The following ELOVL4 variants were observed in gnomAD, a reference collection of about 807,000 sequenced individuals.
ELOVL4 encodes very long chain fatty acid elongase 4.
In ELOVL4, 18 loss-of-function variants were observed where a neutral mutation model predicts 42.1. That is an observed-to-expected ratio of 0.43 (90% CI 0.30 to 0.63). The LOEUF (loss-of-function observed/expected upper bound fraction) is 0.63, where lower values mean the gene tolerates loss of function less well. Ranked by LOEUF, ELOVL4 falls within the 30% of genes least tolerant of loss-of-function variation. The pLI is 0.15. For missense variants in ELOVL4, 299 were observed against 376.2 expected (o/e 0.79, Z 1.70); for synonymous variants, 117 against 127.0 (o/e 0.92, Z 0.53).
At chr6:79,927,144 A>T (rs1005150411) in intron 1 of ELOVL4, among the ~76,000 whole-genome samples, 1 of 152,130 alleles carries the variant, frequency 6.6e-6, no homozygotes, top group Non-Finnish European at 1.5e-5. Flanking sequence ...CACAACCATA[A>T]ATCAATTTTA....
chr6:79,926,158 C>T (rs746096685), intron 2 of ELOVL4, 36 bp downstream of exon 2: 57 of 1,562,630 alleles, frequency 3.6e-5, no homozygotes, highest in Admixed American at 1.7e-5. Context: ...TTTCCAATAA[C>T]CTTGGAAAAT....
intron 4 of ELOVL4, among the ~76,000 whole-genome samples, chr6:79,920,868 T>TTA (rs1419515980): frequency 1.3e-5 from 2 of 152,158 alleles, no homozygotes; most frequent in Non-Finnish European, 2.9e-5. Context: ...TTTCCACCTG[T>TTA]GGTATCATGC....
At chr6:79,943,906 AT>A (rs1774690866) in intron 1 of ELOVL4, among the ~76,000 whole-genome samples, 1 of 151,972 alleles carries the variant, frequency 6.6e-6, no homozygotes, top group Admixed American at 6.6e-5. Context: ...CAAGTAGACA[AT>A]TTTTTTCACC....
intron 1 of ELOVL4, among the ~76,000 whole-genome samples, chr6:79,936,623 C>T (rs35490568): frequency 0.023 from 3,471 of 152,278 alleles, 41 homozygotes; most frequent in Middle Eastern, 0.031. Context: ...CTGTAGACAA[C>T]GGTTGTCAAG....
intron 1 of ELOVL4, among the ~76,000 whole-genome samples, chr6:79,944,388 A>G (rs141896531): frequency 0.019 from 2,875 of 152,324 alleles, 40 homozygotes; most frequent in Non-Finnish European, 0.03. Flanking sequence ...ACACCAGCCT[A>G]TACTTTAACA....
intron 5 of ELOVL4, among the ~76,000 whole-genome samples, 164 bp downstream of exon 5, chr6:79,919,256 G>T (rs1204845621): frequency 6.6e-6 from 1 of 152,142 alleles, no homozygotes; most frequent in Admixed American, 6.6e-5. Context: ...ATAAGTCTAT[G>T]AATAGGTCAT....
chr6:79,933,246 T>C (rs1440808764), intron 1 of ELOVL4, among the ~76,000 whole-genome samples: 1 of 152,056 alleles, frequency 6.6e-6, no homozygotes, highest in Non-Finnish European at 1.5e-5. Flanking sequence ...GTTTGTTTGT[T>C]TTGGGACTGG....
intron 1 of ELOVL4, among the ~76,000 whole-genome samples, chr6:79,936,300 T>C (rs961122417): frequency 2.0e-5 from 3 of 152,238 alleles, no homozygotes; most frequent in Non-Finnish European, 4.4e-5. Context: ...AAACCAACAG[T>C]TGCAAATTAA....
intron 1 of ELOVL4, among the ~76,000 whole-genome samples, chr6:79,929,938 G>T (rs1043783214): frequency 1.3e-5 from 2 of 152,160 alleles, no homozygotes; most frequent in Non-Finnish European, 1.5e-5. Flanking sequence ...AATAAATAAA[G>T]AGTAGATAAT....
At chr6:79,940,426 TTTG>T (rs1338797238) in intron 1 of ELOVL4, among the ~76,000 whole-genome samples, 4 of 152,092 alleles carry the variant, frequency 2.6e-5, no homozygotes, top group Admixed American at 2.6e-4. Context: ...TTTAGTTTCT[TTTG>T]TTTTCTCTTC....
At chr6:79,919,192 G>C (rs1047620298) in intron 5 of ELOVL4, among the ~76,000 whole-genome samples, 4 of 152,126 alleles carry the variant, frequency 2.6e-5, no homozygotes, top group African/African-American at 9.7e-5. Flanking sequence ...AGAGGAGTAA[G>C]GGCTATGTCT....
chr6:79,938,508 G>A (rs998847639), intron 1 of ELOVL4, among the ~76,000 whole-genome samples: 2 of 152,160 alleles, frequency 1.3e-5, no homozygotes, highest in Non-Finnish European at 2.9e-5. Flanking sequence ...TCTAGCTCTT[G>A]TATTATGCAA....
intron 1 of ELOVL4, among the ~76,000 whole-genome samples, chr6:79,940,555 T>C (rs956715035): frequency 1.3e-5 from 2 of 152,176 alleles, no homozygotes; most frequent in African/African-American, 4.8e-5. Flanking sequence ...TGTAATGATG[T>C]ATGTTAAAAT....
At chr6:79,932,418 G>C (rs989980469) in intron 1 of ELOVL4, among the ~76,000 whole-genome samples, 1 of 151,922 alleles carries the variant, frequency 6.6e-6, no homozygotes, top group African/African-American at 2.4e-5. Flanking sequence ...GGTGGTGTGC[G>C]CCTGTAATCC....
rs374537157 is a variant in ELOVL4, at chr6:79,916,557, T to A, written c.*51A>T. The A allele has an allele frequency of 5.5e-5, 89 of 1,608,170 alleles. No homozygotes were observed. The highest frequency in any genetic ancestry group is 7.2e-5 in the Non-Finnish European group (85 of 1,176,992). ...CTTCTGTTTTCCCTGAAATTTTATA[T>A]GATATGGGAGTTTTTCCTCACTGTC... is the stretch of plus-strand genomic sequence containing the variant. On this transcript the variant is annotated 3_prime_UTR_variant, in exon 6 of 6. Transcript: ENST00000369816.
In ELOVL4 at chr6:79,947,533, C is replaced by T; in HGVS notation, c.-254G>A. On this transcript the variant is annotated 5_prime_UTR_variant, in exon 1 of 6. In the 5' UTR this introduces an upstream ATG that the reference lacks. Coordinates refer to ENST00000369816, the MANE Select transcript of ELOVL4 (RefSeq NM_022726.4). ...GGTGGAGGAGGCCCAGCCGCCAGCA[C>T]AGTGCGCTGCACCAGTCTGCAGCCT... 1 of 518,162 alleles carries T rather than the reference C, an allele frequency of 1.9e-6. No homozygotes were observed. Among genetic ancestry groups the T allele is most frequent in the Non-Finnish European group, 3.5e-6 (1 of 286,630 alleles). 32.1% of individuals were successfully genotyped at this position (518,162 alleles called of 1,614,324 possible).
rs1259568052 is a variant in ELOVL4, at chr6:79,924,949, T to C, written c.369+3A>G. Reference sequence around the variant, plus strand: ...TGATTAAGAGTATTTTTAATGTACTTACCCTGACTTCATGAACATTATTAG... The same window carrying C: ...TGATTAAGAGTATTTTTAATGTACTCACCCTGACTTCATGAACATTATTAG... On this transcript the variant is annotated splice_donor_region_variant and intron_variant, in intron 3 of 5. Coordinates refer to ENST00000369816, the MANE Select transcript of ELOVL4 (RefSeq NM_022726.4). 1 of 1,581,106 alleles carries C rather than the reference T, an allele frequency of 6.3e-7. No homozygotes were observed.
chr6:79,916,894 G>T lies in ELOVL4; in HGVS notation c.670-11C>A. ...CACATGGAATTGAATCTGAAAAACA[G>T]AAATGACAGCACAAAACATTTAATC... On this transcript the variant is annotated splice_polypyrimidine_tract_variant and intron_variant, in intron 5 of 5. Transcript: ENST00000369816. 6.2e-7 allele frequency: 1 copy of T among 1,614,028 alleles called. No individual in the cohort carries two copies. The highest frequency in any genetic ancestry group is 8.5e-7 in the Non-Finnish European group (1 of 1,179,942).
chr6:79,925,134 A>G (rs1280433109), intron 2 of ELOVL4, 102 bp from the exon 3 acceptor site: 5 of 785,114 alleles, frequency 6.4e-6, no homozygotes, highest in Non-Finnish European at 8.4e-6. Context: ...TTTAAACACA[A>G]TATTTTCTTT....
Sources: allele counts gnomAD v4.1 joint callset (sites outside exome capture counted in the v4.1 genomes callset), GRCh38; gene constraint gnomAD v4.1.1; transcripts MANE v1.5; gene names NCBI Gene and HGNC (gene_info 2026-07-23, HGNC 2026-07-21).